ZBTB11: variants seen among roughly 807,000 people sequenced by gnomAD.
ZBTB11 encodes zinc finger and BTB domain-containing protein 11.
Under a neutral mutation model 113.1 loss-of-function variants are expected in ZBTB11, and 68 were observed. The ratio of observed to expected loss-of-function variants is 0.60; its 90% CI spans 0.49 to 0.74. The LOEUF is 0.74. Among genes scored for constraint, ZBTB11 ranks in the 30% least tolerant of loss-of-function variants. The pLI, the probability that ZBTB11 is intolerant of heterozygous loss-of-function variation, is 0.00. For synonymous variants in ZBTB11, 518 were observed against 452.6 expected (o/e 1.14, Z -1.83); for missense variants, 1,104 against 1,279.4 (o/e 0.86, Z 2.09).
In ZBTB11 at chr3:101,676,956, G is replaced by A; in HGVS notation, c.-42C>T. ...CTGAGGGCGCCTGTCAGGGACAGGT[G>A]AGGAAAACGGCCCGCTACCTACGGG... On this transcript the variant is annotated 5_prime_UTR_variant, in exon 1 of 11. Coordinates refer to ENST00000312938, the MANE Select transcript of ZBTB11 (RefSeq NM_014415.4). 1 of 1,506,326 alleles carries A rather than the reference G, an allele frequency of 6.6e-7. No individual in the cohort carries two copies. Among genetic ancestry groups the A allele is most frequent in the Non-Finnish European group, 8.9e-7 (1 of 1,127,312 alleles). 93.3% of individuals were successfully genotyped at this position (1,506,326 alleles called of 1,614,324 possible).
rs1385739919 is a variant in ZBTB11, at chr3:101,665,167, T to C, written c.1420A>G (p.Arg474Gly). Residue 474 changes from arginine (R) to glycine (G), a missense_variant, in exon 4 of 11, where the codon AGG becomes GGG. Physicochemically the swap from Arg to Gly is moderately radical, Grantham distance 125. This residue lies in a region of ZBTB11 where 535 missense variants were observed against 518.6 expected (regional missense o/e 1.03). Coordinates refer to ENST00000312938, the MANE Select transcript of ZBTB11 (RefSeq NM_014415.4). ...DICAEDIPKHRQKVDQPLKDQ... is the reference protein window; with the variant it reads ...DICAEDIPKHGQKVDQPLKDQ... ...TTTAAAGGTTGGTCAACTTTCTGCC[T>C]ATGTTTTGGAATGTCTTCGGCACAA... 1.9e-6 allele frequency: 3 copies of C among 1,614,092 alleles called. No individual in the cohort carries two copies. Among genetic ancestry groups the C allele is most frequent in the African/African-American group, 2.7e-5 (2 of 74,936 alleles).
chr3:101,675,544 T>C (rs975031519), intron 1 of ZBTB11, among the ~76,000 whole-genome samples: 7 of 152,218 alleles, frequency 4.6e-5, no homozygotes, highest in African/African-American at 1.2e-4. Context: ...ATTTCTTAAA[T>C]GGGACTATAA....
At chr3:101,658,637 C>T (rs1483574245) in intron 6 of ZBTB11, among the ~76,000 whole-genome samples, 1 of 152,158 alleles carries the variant, frequency 6.6e-6, no homozygotes, top group African/African-American at 2.4e-5. Flanking sequence ...GACCGGAGAC[C>T]ACTACTCTAA....
chr3:101,672,614 G>A (rs1033366003), intron 1 of ZBTB11, among the ~76,000 whole-genome samples: 1 of 152,226 alleles, frequency 6.6e-6, no homozygotes, highest in Non-Finnish European at 1.5e-5. Context: ...TACTCTGGAG[G>A]CTGAGGCCGG....
At position 101,665,602 on chromosome 3, in the gene ZBTB11, A is replaced by G. The variant is rs764041039; in HGVS notation, c.985T>C (p.Ser329Pro). 2.4e-5 allele frequency: 39 copies of G among 1,614,118 alleles called. No homozygotes were observed. In the East Asian group the frequency reaches 8.5e-4, roughly 35 times the overall value. ...TTCTGTACTCGTAAGTCCTGGGTGG[A>G]TGCAACTGTTTGTACTTCGCCCTTC... Reference protein sequence around the residue: ...YKKGEVQTVASTQDLRVQNGG... With the variant: ...YKKGEVQTVAPTQDLRVQNGG... The change falls in exon 4 of 11, where the codon TCC becomes CCC. Residue 329 changes from serine to proline, a missense_variant. This residue lies in a region of ZBTB11 where 535 missense variants were observed against 518.6 expected (regional missense o/e 1.03). Coordinates refer to ENST00000312938, the MANE Select transcript of ZBTB11 (RefSeq NM_014415.4).
rs545777389 is a variant in ZBTB11, at chr3:101,657,633, G to C, written c.2047-1385C>G. Among the ~76,000 whole-genome samples the C allele has an allele frequency of 3.9e-5, 6 of 152,090 alleles. No individual in the cohort carries two copies. In the South Asian group the frequency reaches 1.0e-3, roughly 26 times the overall value. On this transcript the variant is annotated intron_variant, in intron 6 of 10. Transcript: ENST00000312938. ...CTGAAGTTGAGTGAAGGGTACATGA[G>C]AGTTCAACCCATTCTCTTCTAAAAT...
At chr3:101,668,262 A>G (rs1452927404) in intron 3 of ZBTB11, among the ~76,000 whole-genome samples, 1 of 152,136 alleles carries the variant, frequency 6.6e-6, no homozygotes, top group Non-Finnish European at 1.5e-5. Flanking sequence ...TTACAGCTAG[A>G]TAGATAGAAG....
chr3:101,651,747 C>A (rs1936707163), intron 10 of ZBTB11, 64 bp from the exon 11 acceptor site: 1 of 1,457,348 alleles, frequency 6.9e-7, no homozygotes, highest in Non-Finnish European at 9.1e-7. Context: ...CTTAAACTGC[C>A]TACCAAACTT....
intron 5 of ZBTB11, 142 bp downstream of exon 5, chr3:101,664,396 A>C (rs1366805248): frequency 1.3e-6 from 1 of 758,434 alleles, no homozygotes; most frequent in African/African-American, 1.8e-5. Flanking sequence ...GAGGCAAGTA[A>C]ATGACATGCA....
chr3:101,673,758 G>T (rs1319568202), intron 1 of ZBTB11, among the ~76,000 whole-genome samples: 1 of 152,154 alleles, frequency 6.6e-6, no homozygotes, highest in East Asian at 1.9e-4. Context: ...CAAGTGATCT[G>T]CCCGCCTTGG....
rs1381463011 is a variant in ZBTB11, at chr3:101,651,154, TC to T, written c.*11del. On this transcript the variant is annotated 3_prime_UTR_variant, in exon 11 of 11. Coordinates refer to ENST00000312938, the MANE Select transcript of ZBTB11 (RefSeq NM_014415.4). ...CAAGAGATGTCACTTCTTTTTATCT[TC>T]ATTAACATACTCATTCTCCTCCTGA... 6.4e-7 allele frequency: 1 copy of T among 1,551,608 alleles called. No individual in the cohort carries two copies.
Position 101,676,650 on chromosome 3 carries a change from G to A in ZBTB11, c.265C>T (p.Arg89Trp), listed in dbSNP as rs1559990420. 6.4e-7 allele frequency: 1 copy of A among 1,571,334 alleles called. No homozygotes were observed. The highest frequency in any genetic ancestry group is 8.6e-7 in the Non-Finnish European group (1 of 1,157,322). The change falls in exon 1 of 11, where the codon CGG (arginine) becomes TGG (tryptophan). Residue 89 changes from arginine (R) to tryptophan (W), a missense_variant. Coordinates refer to ENST00000312938, the MANE Select transcript of ZBTB11 (RefSeq NM_014415.4). ...HLGPGGTHHT[R>W]HQTWHYLSKT... is the part of the protein sequence containing the mutation. ...GACAAGTAGTGCCAGGTCTGATGCC[G>A]GGTGTGGTGAGTGCCGCCGGGACCC...
chr3:101,673,055 T>C lies in ZBTB11; in HGVS notation c.311-842A>G, dbSNP rs1937107902. ...TTTTGAAAGTTATGAGATTTTAGGG[T>C]TGTGTGAAATAAAAGCATACACAAT... On this transcript the variant is annotated intron_variant, in intron 1 of 10. Transcript: ENST00000312938. Among the ~76,000 whole-genome samples the C allele has an allele frequency of 3.9e-5, 6 of 152,314 alleles. No homozygotes were observed. The Middle Eastern group carries it at 0.01, about 259-fold the overall frequency.
intron 3 of ZBTB11, among the ~76,000 whole-genome samples, chr3:101,668,635 A>G (rs1026669084): frequency 6.6e-6 from 1 of 151,464 alleles, no homozygotes; most frequent in Admixed American, 6.6e-5. Flanking sequence ...AAAAAAAAAA[A>G]GGGCTGAAAG....
chr3:101,676,275 G>A (rs1937168556), intron 1 of ZBTB11, among the ~76,000 whole-genome samples: 1 of 131,094 alleles, frequency 7.6e-6, no homozygotes, highest in African/African-American at 3.0e-5. Context: ...CCTCCAGAGG[G>A]CCGGGGCCTA....
chr3:101,666,675 A>G (rs1253240983), intron 3 of ZBTB11, among the ~76,000 whole-genome samples: 1 of 152,218 alleles, frequency 6.6e-6, no homozygotes, highest in African/African-American at 2.4e-5. Context: ...TAATTCCATA[A>G]CCAGAATGAT....
Position 101,650,971 on chromosome 3 carries a change from T to C in ZBTB11, c.*195A>G. 2 of 492,958 alleles carry C rather than the reference T, an allele frequency of 4.1e-6. No individual in the cohort carries two copies. Among genetic ancestry groups the C allele is most frequent in the Non-Finnish European group, 6.9e-6 (2 of 291,370 alleles). 30.5% of individuals were successfully genotyped at this position (492,958 alleles called of 1,614,324 possible). On this transcript the variant is annotated 3_prime_UTR_variant, in exon 11 of 11. Transcript: ENST00000312938. Reference sequence around the variant, plus strand: ...TTGCACCAACCTAATAGATCTGTTTTCAATTTCTCTACACTAAACGGACTT... The same window carrying C: ...TTGCACCAACCTAATAGATCTGTTTCCAATTTCTCTACACTAAACGGACTT...
At chr3:101,659,604 G>A (rs563438917) in intron 6 of ZBTB11, among the ~76,000 whole-genome samples, 179 bp downstream of exon 6, 5 of 152,154 alleles carry the variant, frequency 3.3e-5, no homozygotes, top group Admixed American at 6.5e-5. Flanking sequence ...CAACTTCAGA[G>A]AGCAAATTAA....
Position 101,676,760 on chromosome 3 carries a change from CGCCGCT to C in ZBTB11, c.149_154del (p.Gln50_Arg51del), listed in dbSNP as rs1471053113. ...CGCGAAGGTCTTGCGGTGCCGCTGCCGCCGCTGGTAATACAGAGTCCCGCCGCGCAC... is the reference window on the plus strand; with the variant it reads ...CGCGAAGGTCTTGCGGTGCCGCTGCCGGTAATACAGAGTCCCGCCGCGCAC... On this transcript the variant is annotated inframe_deletion, in exon 1 of 11. Coordinates refer to ENST00000312938, the MANE Select transcript of ZBTB11 (RefSeq NM_014415.4). 6.2e-7 allele frequency: 1 copy of C among 1,608,564 alleles called. No homozygotes were observed. Among genetic ancestry groups the C allele is most frequent in the Non-Finnish European group, 8.5e-7 (1 of 1,177,738 alleles).
Sources: allele counts gnomAD v4.1 joint callset (sites outside exome capture counted in the v4.1 genomes callset), GRCh38; gene constraint gnomAD v4.1.1; regional missense constraint gnomAD v4.1.1; transcripts MANE v1.5; gene names NCBI Gene and HGNC (gene_info 2026-07-23, HGNC 2026-07-21).